The following CEMIP2 variants were observed in gnomAD, a reference collection of about 807,000 sequenced individuals.
The protein encoded by CEMIP2 is cell migration inducing hyaluronidase 2.
Under a neutral mutation model 146.9 loss-of-function variants are expected in CEMIP2, and 79 were observed. The ratio of observed to expected loss-of-function variants is 0.54; its 90% CI spans 0.45 to 0.65. The LOEUF (loss-of-function observed/expected upper bound fraction) is 0.65. Among genes scored for constraint, CEMIP2 ranks in the 30% least tolerant of loss-of-function variants. CEMIP2 has a pLI of 0.00. For synonymous variants in CEMIP2, 601 were observed against 606.3 expected (o/e 0.99, Z 0.13); for missense variants, 1,596 against 1,696.2 (o/e 0.94, Z 1.04).
At chr9:71,721,327 A>G (rs1160453196) in intron 12 of CEMIP2, among the ~76,000 whole-genome samples, 2 of 152,120 alleles carry the variant, frequency 1.3e-5, no homozygotes, top group Non-Finnish European at 2.9e-5. Flanking sequence ...TGTCATCTAT[A>G]TACTCTTTTT....
intron 17 of CEMIP2, among the ~76,000 whole-genome samples, chr9:71,707,082 C>A (rs1471815601): frequency 6.6e-6 from 1 of 152,188 alleles, no homozygotes; most frequent in African/African-American, 2.4e-5. Context: ...CCTGCCTCAA[C>A]CTCCCAAAGT....
intron 4 of CEMIP2, among the ~76,000 whole-genome samples, chr9:71,744,598 T>A (rs1589160379): frequency 6.6e-6 from 1 of 152,306 alleles, no homozygotes. Context: ...CTCAGCCTTT[T>A]AAGACAGGTT....
rs767025143 is a variant in CEMIP2, at chr9:71,722,502, A to G, written c.2192T>C (p.Ile731Thr). The part of the protein sequence containing the change: ...VHSNFKAGLF[I>T]DKGVKTTNSS... ...GTTGGTTGTTTTGACACCTTTGTCA[A>G]TAAATAAGCCAGCCTGAAAAATATA... Residue 731 changes from isoleucine (I) to threonine (T), a missense_variant, in exon 12 of 24, where the codon ATT (isoleucine) becomes ACT (threonine). Physicochemically the swap from Ile to Thr is moderately conservative, Grantham distance 89 (BLOSUM62 -1). Coordinates refer to ENST00000377044, the MANE Select transcript of CEMIP2 (RefSeq NM_013390.3). 2.5e-6 allele frequency: 4 copies of G among 1,613,156 alleles called. No individual in the cohort carries two copies. The highest frequency in any genetic ancestry group is 3.4e-6 in the Non-Finnish European group (4 of 1,179,512).
intron 18 of CEMIP2, among the ~76,000 whole-genome samples, chr9:71,701,078 C>A (rs1051866988): frequency 2.6e-5 from 4 of 152,056 alleles, no homozygotes; most frequent in Admixed American, 6.6e-5. Flanking sequence ...AAAATATGAG[C>A]CTTTACAATT....
chr9:71,732,586 A>G (rs1823651195), intron 6 of CEMIP2, 66 bp from the exon 7 acceptor site: 11 of 1,415,204 alleles, frequency 7.8e-6, no homozygotes, highest in Non-Finnish European at 9.3e-6. Flanking sequence ...TCACTTCAAA[A>G]AGACATTCTC....
At chr9:71,749,716 AAAG>A (rs1000272655) in intron 2 of CEMIP2, among the ~76,000 whole-genome samples, 1 of 152,066 alleles carries the variant, frequency 6.6e-6, no homozygotes, top group African/African-American at 2.4e-5. Context: ...AAAAAGAAAA[AAAG>A]AAAAAAAAAA....
At position 71,745,053 on chromosome 9, in the gene CEMIP2, C is replaced by T; in HGVS notation, c.999G>A (p.Arg333=). ...GTCCTTGGATCAGTTCACTTCCCAACCGTTCCTGGATCATCTGGATGGTTC... is the reference window on the plus strand; with the variant it reads ...GTCCTTGGATCAGTTCACTTCCCAATCGTTCCTGGATCATCTGGATGGTTC... ...LQGTIQMIQE[R]LGSELIQGLG... The change falls in exon 4 of 24, where the codon CGG becomes CGA. Residue 333 remains arginine, a synonymous_variant. Transcript: ENST00000377044. The T allele has an allele frequency of 3.1e-6, 5 of 1,614,126 alleles. No homozygotes were observed. The highest frequency in any genetic ancestry group is 2.2e-5 in the South Asian group (2 of 91,080).
intron 5 of CEMIP2, 24 bp from the exon 6 acceptor site, chr9:71,735,018 A>G (rs1564016868): frequency 6.4e-7 from 1 of 1,571,406 alleles, no homozygotes; most frequent in Non-Finnish European, 8.6e-7. Flanking sequence ...AAAAAAAAGA[A>G]AAAGAAAGTG....
chr9:71,722,654 TAAA>T (rs11385294), intron 11 of CEMIP2, 139 bp from the exon 12 acceptor site: 278 of 447,998 alleles, frequency 6.2e-4, no homozygotes, highest in Non-Finnish European at 7.1e-4. Context: ...AAAGGTACTG[TAAA>T]AAAAAAAAAA....
intron 17 of CEMIP2, among the ~76,000 whole-genome samples, chr9:71,707,075 G>A (rs896986372): frequency 6.6e-6 from 1 of 152,104 alleles, no homozygotes; most frequent in African/African-American, 2.4e-5. Context: ...TGATCCACCT[G>A]CCTCAACCTC....
chr9:71,755,362 C>T (rs866229700), intron 1 of CEMIP2, among the ~76,000 whole-genome samples: 114 of 149,326 alleles, frequency 7.6e-4, no homozygotes, highest in Middle Eastern at 7.0e-3. Flanking sequence ...CACACACACA[C>T]ACACACACAC....
intron 17 of CEMIP2, among the ~76,000 whole-genome samples, chr9:71,705,632 A>T (rs1303550787): frequency 6.6e-6 from 1 of 151,816 alleles, no homozygotes; most frequent in Non-Finnish European, 1.5e-5. Flanking sequence ...TTAATACTCT[A>T]CTGACACCGC....
chr9:71,762,364 G>A (rs1824658908), intron 1 of CEMIP2, among the ~76,000 whole-genome samples: 1 of 152,028 alleles, frequency 6.6e-6, no homozygotes, highest in Admixed American at 6.6e-5. Context: ...ATGTGCACCT[G>A]TAGTCCCATC....
chr9:71,745,607 A>G, intron 3 of CEMIP2, 28 bp from the exon 4 acceptor site: 1 of 1,533,344 alleles, frequency 6.5e-7, no homozygotes, highest in Non-Finnish European at 8.7e-7. Context: ...CTGTAAGCCA[A>G]CTTCTAAATC....
chr9:71,743,862 T>TA (rs1463153234), intron 4 of CEMIP2, among the ~76,000 whole-genome samples: 1 of 152,220 alleles, frequency 6.6e-6, no homozygotes, highest in Non-Finnish European at 1.5e-5. Context: ...CTGTAGGTAA[T>TA]ACCCCATTCC....
rs574727745 is a variant in CEMIP2 at position 71,729,447 on chromosome 9, G to A, written c.2049+398C>T. The stretch of plus-strand genomic sequence containing the variant: ...ATCCTAGCTAAAAAGGTGAAACCCC[G>A]TCTCTACTAAAAATACAGAAAATTA... On this transcript the variant is annotated intron_variant, in intron 10 of 23. Transcript: ENST00000377044. 3.3e-3 allele frequency among the ~76,000 whole-genome samples: 494 copies of A among 151,950 alleles called. 2 individuals carry two copies. Among genetic ancestry groups the A allele is most frequent in the African/African-American group, 0.011 (461 of 41,468 alleles).
In CEMIP2 at chr9:71,714,022, G is replaced by A. The variant is rs554251094; in HGVS notation, c.2591+912C>T. Among the ~76,000 whole-genome samples, 21 of 152,258 alleles carry A rather than the reference G, an allele frequency of 1.4e-4. No individual in the cohort carries two copies. The East Asian group carries it at 4.1e-3, about 29-fold the overall frequency. On this transcript the variant is annotated intron_variant, in intron 15 of 23. Coordinates refer to ENST00000377044, the MANE Select transcript of CEMIP2 (RefSeq NM_013390.3). ...TTCCACAACAACAAGCACAAGGGGT[G>A]AGAAGCCAAGCATGGTGACCTTTTT...
At chr9:71,689,589 C>T (rs974602617) in intron 22 of CEMIP2, among the ~76,000 whole-genome samples, 1 of 152,188 alleles carries the variant, frequency 6.6e-6, no homozygotes, top group Admixed American at 6.5e-5. Context: ...CCAAGTGACC[C>T]AGGTGATGAC....
chr9:71,742,965 T>C (rs1823965510), intron 4 of CEMIP2, among the ~76,000 whole-genome samples: 1 of 152,144 alleles, frequency 6.6e-6, no homozygotes, highest in Non-Finnish European at 1.5e-5. Context: ...ATGCCTGTAA[T>C]CGCAGCAATT....
Sources: gnomAD v4.1 joint callset for allele counts (sites outside exome capture counted in the v4.1 genomes callset) on GRCh38, gnomAD v4.1.1 for gene constraint, MANE v1.5 for transcripts, NCBI Gene and HGNC (gene_info 2026-07-23, HGNC 2026-07-21) for gene names.